The following SKAP1 variants were observed in gnomAD, a reference collection of about 807,000 sequenced individuals.
SKAP1 encodes the protein src kinase associated phosphoprotein 1, also known as src kinase-associated phosphoprotein 1.
SKAP1 carries 44 observed loss-of-function variants against 58.5 expected under a neutral mutation model. The observed-to-expected ratio is 0.75, with a 90% confidence interval of 0.59 to 0.97. The LOEUF is 0.97. SKAP1 is among the 50% of genes least tolerant of loss of function. The pLI is 0.00. For missense variants in SKAP1, 390 were observed against 435.2 expected, an observed-to-expected ratio of 0.90 and a Z score of 0.92; for synonymous variants, 127 against 149.7, an observed-to-expected ratio of 0.85 and a Z score of 1.11.
intron 4 of SKAP1, among the ~76,000 whole-genome samples, chr17:48,297,254 A>G (rs916156754): frequency 3.9e-5 from 6 of 152,226 alleles, no homozygotes; most frequent in Admixed American, 3.9e-4. Flanking sequence ...TTATCATGAC[A>G]CAAATTTTGC....
At chr17:48,228,317 C>T (rs73324755) in intron 4 of SKAP1, among the ~76,000 whole-genome samples, 21 of 152,252 alleles carry the variant, frequency 1.4e-4, no homozygotes, top group African/African-American at 3.8e-4. Flanking sequence ...CACTAAAAAA[C>T]GCAATATAGA....
At chr17:48,392,861 AAAT>A (rs2067366257) in intron 2 of SKAP1, among the ~76,000 whole-genome samples, 1 of 133,326 alleles carries the variant, frequency 7.5e-6, no homozygotes, top group Admixed American at 8.2e-5. Flanking sequence ...GTCTCAAAAA[AAAT>A]ATATATATAT....
intron 4 of SKAP1, among the ~76,000 whole-genome samples, chr17:48,205,088 T>TTCTCTC (rs55806288): frequency 7.3e-6 from 1 of 137,814 alleles, no homozygotes; most frequent in Non-Finnish European, 1.5e-5. Context: ...CTTTCTTTCC[T>TTCTCTC]TCTCTCTCTC....
At chr17:48,153,631 T>A (rs2063931505) in intron 11 of SKAP1, among the ~76,000 whole-genome samples, 1 of 152,082 alleles carries the variant, frequency 6.6e-6, no homozygotes, top group Non-Finnish European at 1.5e-5. Flanking sequence ...AAAGATACTT[T>A]GCCATAGGAT....
chr17:48,393,070 G>A (rs995222144), intron 2 of SKAP1, among the ~76,000 whole-genome samples: 1 of 151,986 alleles, frequency 6.6e-6, no homozygotes, highest in African/African-American at 2.4e-5. Flanking sequence ...AGTGACCATC[G>A]TAATAAAGCA....
chr17:48,387,596 T>A (rs1389997300), intron 2 of SKAP1, among the ~76,000 whole-genome samples: 1 of 152,220 alleles, frequency 6.6e-6, no homozygotes, highest in African/African-American at 2.4e-5. Context: ...CCCCTGAACA[T>A]GTTTTAGTGA....
intron 11 of SKAP1, chr17:48,156,473 C>T (rs773079400): frequency 1.9e-6 from 1 of 529,142 alleles, no homozygotes; most frequent in African/African-American, 1.9e-5. Flanking sequence ...CGCTAAACAC[C>T]CTGCTGTGGC....
At chr17:48,389,483 T>C (rs1197666019) in intron 2 of SKAP1, among the ~76,000 whole-genome samples, 1 of 152,246 alleles carries the variant, frequency 6.6e-6, no homozygotes, top group Non-Finnish European at 1.5e-5. Flanking sequence ...TCTAAAATAT[T>C]CCTGTTGCCA....
chr17:48,391,483 C>T (rs2067344512), intron 2 of SKAP1, among the ~76,000 whole-genome samples: 1 of 152,178 alleles, frequency 6.6e-6, no homozygotes, highest in South Asian at 2.1e-4. Context: ...ATAAATACAA[C>T]CTCTCATTCC....
intron 4 of SKAP1, among the ~76,000 whole-genome samples, chr17:48,247,944 G>A (rs1450418728): frequency 4.6e-5 from 7 of 151,818 alleles, no homozygotes; most frequent in Non-Finnish European, 1.0e-4. Flanking sequence ...CTTTATTGTC[G>A]GTCTCCCCAG....
chr17:48,339,326 G>A (rs2066616373), intron 4 of SKAP1, among the ~76,000 whole-genome samples: 1 of 152,122 alleles, frequency 6.6e-6, no homozygotes, highest in Non-Finnish European at 1.5e-5. Context: ...ATGCATATAT[G>A]TTTATTTACA....
At chr17:48,308,568 A>G (rs552834638) in intron 4 of SKAP1, 1 of 152,328 alleles carries the variant, frequency 6.6e-6, no homozygotes, top group South Asian at 2.1e-4. Context: ...AACATGTTGC[A>G]TATTTCATAA....
chr17:48,196,345 T>C (rs1431432141), intron 4 of SKAP1, among the ~76,000 whole-genome samples: 11 of 152,244 alleles, frequency 7.2e-5, no homozygotes, highest in African/African-American at 2.4e-4. Context: ...TATTTTAGTA[T>C]CTATATTTCT....
chr17:48,251,586 G>A (rs1177648616), intron 4 of SKAP1, among the ~76,000 whole-genome samples: 2 of 152,056 alleles, frequency 1.3e-5, no homozygotes, highest in African/African-American at 2.4e-5. Context: ...TCCATCTTGG[G>A]GCAAAAGATA....
intron 4 of SKAP1, among the ~76,000 whole-genome samples, chr17:48,341,537 A>C (rs573575141): frequency 6.6e-6 from 1 of 152,216 alleles, no homozygotes; most frequent in African/African-American, 2.4e-5. Flanking sequence ...TTTTATTTCC[A>C]GAATATTCTC....
chr17:48,158,766 C>T (rs1225658153), intron 11 of SKAP1, among the ~76,000 whole-genome samples: 1 of 151,404 alleles, frequency 6.6e-6, no homozygotes, highest in Admixed American at 6.6e-5. Context: ...TGAGACCATC[C>T]TGGCTAACAC....
chr17:48,230,995 G>A (rs1054469255), intron 4 of SKAP1, among the ~76,000 whole-genome samples: 1 of 152,200 alleles, frequency 6.6e-6, no homozygotes, highest in East Asian at 1.9e-4. Flanking sequence ...ATGTGATACA[G>A]ATGATGAAGA....
chr17:48,315,613 T>A (rs1221247422), intron 4 of SKAP1, among the ~76,000 whole-genome samples: 1 of 152,222 alleles, frequency 6.6e-6, no homozygotes, highest in Non-Finnish European at 1.5e-5. Flanking sequence ...TATATGATAC[T>A]AATAATTCAT....
chr17:48,144,451 C>T (rs1012905971), intron 11 of SKAP1, among the ~76,000 whole-genome samples: 22 of 152,086 alleles, frequency 1.4e-4, no homozygotes, highest in Admixed American at 1.2e-3. Context: ...AAATGAGATC[C>T]GGCCGAGAAC....
Sources: gnomAD v4.1 joint callset for allele counts (sites outside exome capture counted in the v4.1 genomes callset) on GRCh38, gnomAD v4.1.1 for gene constraint, MANE v1.5 for transcripts, NCBI Gene and HGNC (gene_info 2026-07-23, HGNC 2026-07-21) for gene names.